Variants in METAP1D observed in about 807,000 individuals in gnomAD.
METAP1D encodes the protein methionine aminopeptidase 1D, mitochondrial.
Under a neutral mutation model 40.5 loss-of-function variants are expected in METAP1D, and 31 were observed. That is an observed-to-expected ratio of 0.77 (90% CI 0.58 to 1.03). METAP1D has a LOEUF of 1.03. Ranked by LOEUF, METAP1D falls within the 50% of genes least tolerant of loss-of-function variation. The pLI is 0.00. For missense variants in METAP1D, 411 were observed against 420.7 expected, an observed-to-expected ratio of 0.98 and a Z score of 0.20; for synonymous variants, 151 against 146.4, an observed-to-expected ratio of 1.03 and a Z score of -0.22.
intron 2 of METAP1D, among the ~76,000 whole-genome samples, chr2:172,062,155 G>A (rs1291688030): frequency 6.6e-6 from 1 of 151,138 alleles, no homozygotes; most frequent in Non-Finnish European, 1.5e-5. Flanking sequence ...TTCAGAGATT[G>A]CAATTCTGTG....
At position 172,042,577 on chromosome 2, in the gene METAP1D, A is replaced by G. The variant is rs575765121; in HGVS notation, c.41-18921A>G. 7.9e-4 allele frequency among the ~76,000 whole-genome samples: 21 copies of G among 26,448 alleles called. 9 individuals carry two copies. The highest frequency in any genetic ancestry group is 1.4e-3 in the Non-Finnish European group (20 of 14,512). The allele number at this position is 26,448 out of a possible 152,430, so 17.4% of individuals were successfully genotyped here. A position where few individuals can be genotyped will look rare whatever the true frequency, so the allele number is the denominator to read the frequency against. ...TGTGTACATGTGCACATATATACAT[A>G]TATGTGTGTATGTGTACATGTGCAC... On this transcript the variant is annotated intron_variant, in intron 1 of 9. Coordinates refer to ENST00000315796, the MANE Select transcript of METAP1D (RefSeq NM_199227.3).
intron 1 of METAP1D, among the ~76,000 whole-genome samples, chr2:172,046,065 T>C (rs1187495188): frequency 2.0e-5 from 3 of 149,542 alleles, no homozygotes; most frequent in African/African-American, 7.4e-5. Context: ...TTAATTACAC[T>C]TTGGTATCTC....
intron 1 of METAP1D, among the ~76,000 whole-genome samples, chr2:172,032,599 TTAGAAG>T (rs1477644637): frequency 2.6e-5 from 4 of 152,242 alleles, no homozygotes; most frequent in Non-Finnish European, 5.9e-5. Context: ...GTTTCTCTTT[TTAGAAG>T]TATTTCTGCC....
intron 2 of METAP1D, 53 bp from the exon 3 acceptor site, chr2:172,063,658 C>A: frequency 1.5e-6 from 2 of 1,364,596 alleles, no homozygotes; most frequent in African/African-American, 1.4e-5. Flanking sequence ...AAAAAATGAT[C>A]CCATTGTCGT....
rs1559002628 is a variant in METAP1D, at chr2:172,034,405, T to TG, written c.41-27093_41-27092insG. Among the ~76,000 whole-genome samples the TG allele has an allele frequency of 4.2e-4, 60 of 142,240 alleles. No homozygotes were observed. The East Asian group carries it at 6.3e-3, about 15-fold the overall frequency. 93.3% of individuals were successfully genotyped at this position (142,240 alleles called of 152,430 possible). On this transcript the variant is annotated intron_variant, in intron 1 of 9. Coordinates refer to ENST00000315796, the MANE Select transcript of METAP1D (RefSeq NM_199227.3). ...CATTAGCCTCCATAAGTCTCAGTTT[T>TG]TGTGTGTGTGTGTGTGTGTGTGTGT...
At chr2:172,036,114 A>G (rs12987945) in intron 1 of METAP1D, among the ~76,000 whole-genome samples, 58,028 of 151,252 alleles carry the variant, frequency 0.38, 11,605 homozygotes, top group East Asian at 0.62. Context: ...TCAGGAGATC[A>G]AGACCATCCT....
chr2:172,074,216 C>T (rs972044413), intron 6 of METAP1D, among the ~76,000 whole-genome samples: 1 of 151,728 alleles, frequency 6.6e-6, no homozygotes, highest in East Asian at 1.9e-4. Flanking sequence ...TGTGACAGTT[C>T]AATCAAAAAT....
In METAP1D at chr2:172,034,986, C is replaced by CTTTTTTTTTTTTTTTT. The variant is rs66853451; in HGVS notation, c.41-26498_41-26497insTTTTTTTTTTTTTTTT. Among the ~76,000 whole-genome samples the CTTTTTTTTTTTTTTTT allele has an allele frequency of 2.2e-5, 3 of 135,576 alleles. No individual in the cohort carries two copies. In the East Asian group the frequency reaches 6.3e-4, roughly 28 times the overall value. 88.9% of individuals were successfully genotyped at this position (135,576 alleles called of 152,430 possible). A position where few individuals can be genotyped will look rare whatever the true frequency, so the allele number is the denominator to read the frequency against. On this transcript the variant is annotated intron_variant, in intron 1 of 9. Coordinates refer to ENST00000315796, the MANE Select transcript of METAP1D (RefSeq NM_199227.3). The stretch of plus-strand genomic sequence containing the variant: ...AAACCCTGATTGTTAGAATTTTTTT[C>CTTTTTTTTTTTTTTTT]TTTTTTTTTTTTTTGTTGTTTTATT...
chr2:172,063,803 T>C lies in METAP1D; in HGVS notation c.291T>C (p.Leu97=), dbSNP rs764431109. 1.2e-6 allele frequency: 2 copies of C among 1,614,092 alleles called. No homozygotes were observed. Among genetic ancestry groups the C allele is most frequent in the Non-Finnish European group, 1.7e-6 (2 of 1,179,994 alleles). ...EVKNEDQIQG[L]HQACQLARHV... The stretch of plus-strand genomic sequence containing the variant: ...AGAATGAAGATCAGATTCAAGGGCT[T>C]CATCAGGCTTGTCAGCTGGCCCGCC... The change falls in exon 3 of 10, where the codon CTT becomes CTC. Residue 97 remains leucine, a synonymous_variant. Transcript: ENST00000315796.
intron 1 of METAP1D, among the ~76,000 whole-genome samples, chr2:172,035,879 C>T (rs1056951378): frequency 1.3e-5 from 2 of 152,078 alleles, no homozygotes; most frequent in South Asian, 2.1e-4. Flanking sequence ...AATGCTTGGG[C>T]TCAAGCAGTC....
intron 1 of METAP1D, among the ~76,000 whole-genome samples, chr2:172,001,859 G>A (rs951868485): frequency 2.0e-5 from 3 of 152,074 alleles, no homozygotes; most frequent in Non-Finnish European, 2.9e-5. Context: ...CACTTTGGGA[G>A]GCCAAGGCGG....
intron 1 of METAP1D, among the ~76,000 whole-genome samples, chr2:172,058,930 G>A (rs948242454): frequency 7.9e-5 from 12 of 152,066 alleles, no homozygotes; most frequent in Admixed American, 5.9e-4. Flanking sequence ...TGCAATTCAC[G>A]TTTTCATTAT....
intron 1 of METAP1D, among the ~76,000 whole-genome samples, chr2:172,029,221 A>G (rs1689187001): frequency 6.6e-6 from 1 of 152,206 alleles, no homozygotes; most frequent in African/African-American, 2.4e-5. Flanking sequence ...AGCCTGAGCA[A>G]CTAGGTGAAA....
At chr2:172,039,141 A>G (rs1245017582) in intron 1 of METAP1D, among the ~76,000 whole-genome samples, 2 of 152,140 alleles carry the variant, frequency 1.3e-5, no homozygotes, top group African/African-American at 4.8e-5. Flanking sequence ...TTCATAACAC[A>G]AAAGTGGGAA....
intron 5 of METAP1D, among the ~76,000 whole-genome samples, chr2:172,067,386 A>G (rs796480969): frequency 2.6e-5 from 4 of 152,272 alleles, no homozygotes; most frequent in African/African-American, 9.6e-5. Flanking sequence ...TTTTTTCTTC[A>G]TATCAATCAT....
chr2:172,010,243 C>T (rs560712797), intron 1 of METAP1D, among the ~76,000 whole-genome samples: 17 of 150,984 alleles, frequency 1.1e-4, no homozygotes, highest in Middle Eastern at 3.4e-3. Flanking sequence ...CAGGCCCAAG[C>T]GATCCTTCCA....
Position 172,080,391 on chromosome 2 carries a change from AC to A in METAP1D, c.997del (p.His333MetfsTer17), listed in dbSNP as rs1161127557. The A allele has an allele frequency of 6.2e-7, 1 of 1,613,828 alleles. No individual in the cohort carries two copies. The highest frequency in any genetic ancestry group is 1.3e-5 in the African/African-American group (1 of 74,906). The stretch of plus-strand genomic sequence containing the variant: ...GGGGCGCGCAGATCCTGACCAAACT[AC>A]CCCATGAGGCCTGAGGAGCCGCCCG... The part of the protein sequence containing the change: ...SRGAQILTKL[P>X]HEA On this transcript the variant is annotated frameshift_variant, in exon 10 of 10. Coordinates refer to ENST00000315796, the MANE Select transcript of METAP1D (RefSeq NM_199227.3). LOFTEE classifies it high-confidence loss of function.
At chr2:172,024,395 G>C (rs1271521908) in intron 1 of METAP1D, among the ~76,000 whole-genome samples, 2 of 152,012 alleles carry the variant, frequency 1.3e-5, no homozygotes, top group African/African-American at 4.8e-5. Flanking sequence ...ACTTTCTCTA[G>C]TTACCTGCTG....
chr2:172,052,841 T>C (rs1156720524), intron 1 of METAP1D, among the ~76,000 whole-genome samples: 1 of 152,226 alleles, frequency 6.6e-6, no homozygotes, highest in African/African-American at 2.4e-5. Flanking sequence ...TGCTTTTGTT[T>C]AGTTTCAAGG....
Sources: allele counts gnomAD v4.1 joint callset (sites outside exome capture counted in the v4.1 genomes callset), GRCh38; gene constraint gnomAD v4.1.1; transcripts MANE v1.5; gene names NCBI Gene and HGNC (gene_info 2026-07-23, HGNC 2026-07-21).